MERTK: variants seen among roughly 807,000 people sequenced by gnomAD.
The protein encoded by MERTK is MER proto-oncogene, tyrosine kinase, also known as tyrosine-protein kinase Mer.
Under a neutral mutation model 99.3 loss-of-function variants are expected in MERTK, and 69 were observed. That is an observed-to-expected ratio of 0.70 (90% confidence interval 0.57 to 0.85). MERTK has a LOEUF of 0.85. Ranked by LOEUF, MERTK falls within the 40% of genes least tolerant of loss-of-function variation. The pLI is 0.00. For synonymous variants in MERTK, 426 were observed against 467.6 expected (o/e 0.91, Z 1.15); for missense variants, 1,125 against 1,249.4 (o/e 0.90, Z 1.50).
In MERTK at chr2:111,997,443, C is replaced by G; in HGVS notation, c.1571C>G (p.Ala524Gly). The G allele has an allele frequency of 6.2e-7, 1 of 1,614,004 alleles. No individual in the cohort carries two copies. The highest frequency in any genetic ancestry group is 1.1e-5 in the South Asian group (1 of 91,088). ...GGGTTGATTTTATACATCTCCTTGG[C>G]CATCAGAAAAAGAGTCCAGGAGACA... Reference protein sequence around the residue: ...LIGLILYISLAIRKRVQETKF... With the variant: ...LIGLILYISLGIRKRVQETKF... Residue 524 changes from alanine to glycine, a missense_variant, in exon 10 of 19, where the codon GCC becomes GGC. Transcript: ENST00000295408.
intron 18 of MERTK, 143 bp from the exon 19 acceptor site, chr2:112,028,208 C>T: frequency 1.1e-6 from 1 of 915,730 alleles, no homozygotes; most frequent in Non-Finnish European, 1.7e-6. Flanking sequence ...TATTAGGCCA[C>T]CAAAAAAGTC....
At chr2:111,918,048 A>G (rs1305191821) in intron 1 of MERTK, among the ~76,000 whole-genome samples, 1 of 152,126 alleles carries the variant, frequency 6.6e-6, no homozygotes, top group African/African-American at 2.4e-5. Flanking sequence ...ATTAAACACT[A>G]ATTCCCCATT....
intron 8 of MERTK, among the ~76,000 whole-genome samples, chr2:111,988,290 A>C (rs1393834564): frequency 6.6e-6 from 1 of 152,170 alleles, no homozygotes; most frequent in Non-Finnish European, 1.5e-5. Flanking sequence ...AGTATGAGGA[A>C]TAGGCAAGGT....
chr2:111,997,991 C>T (rs2104402496), intron 10 of MERTK, among the ~76,000 whole-genome samples: 1 of 152,310 alleles, frequency 6.6e-6, no homozygotes, highest in South Asian at 2.1e-4. Context: ...GGGTTGTTGG[C>T]AGGTTGGAGT....
intron 1 of MERTK, among the ~76,000 whole-genome samples, chr2:111,908,880 G>A (rs1374137092): frequency 2.0e-5 from 3 of 152,180 alleles, no homozygotes; most frequent in Non-Finnish European, 4.4e-5. Flanking sequence ...CATACCAGCT[G>A]AGTCTGTCCT....
intron 6 of MERTK, among the ~76,000 whole-genome samples, chr2:111,972,461 C>T (rs571786519): frequency 2.6e-5 from 4 of 152,198 alleles, no homozygotes; most frequent in Non-Finnish European, 5.9e-5. Context: ...CTGAAAACAC[C>T]AGGTCACCCC....
chr2:111,945,869 C>T (rs1424468211), intron 3 of MERTK, among the ~76,000 whole-genome samples: 1 of 152,210 alleles, frequency 6.6e-6, no homozygotes, highest in Non-Finnish European at 1.5e-5. Context: ...GCCTTGTGCC[C>T]CTCCTCTCTG....
chr2:111,960,166 A>C (rs1685218837), intron 4 of MERTK, among the ~76,000 whole-genome samples: 1 of 152,154 alleles, frequency 6.6e-6, no homozygotes, highest in African/African-American at 2.4e-5. Context: ...CTTGGGGTTA[A>C]GAAATTTCCA....
intron 2 of MERTK, among the ~76,000 whole-genome samples, chr2:111,935,555 A>G (rs181043219): frequency 4.4e-4 from 67 of 152,094 alleles, no homozygotes; most frequent in Admixed American, 4.3e-3. Flanking sequence ...TACGAATCCC[A>G]TGTACTCTGG....
In MERTK at chr2:111,930,578, C is replaced by T. The variant is rs187971471; in HGVS notation, c.482+1038C>T. 6.5e-3 allele frequency: 990 copies of T among 152,476 alleles called. 14 individuals carry two copies. Among genetic ancestry groups the T allele is most frequent in the African/African-American group, 0.023 (951 of 41,546 alleles). The allele number at this position is 152,476 out of a possible 1,614,324, so 9.4% of individuals were successfully genotyped here. On this transcript the variant is annotated intron_variant, in intron 2 of 18. Transcript: ENST00000295408. Reference sequence around the variant, plus strand: ...CGCCTCCCAGTGCTGATGTAGCCCCCGTGCACCGTGGGGCAGGAAGAGATG... The same window carrying T: ...CGCCTCCCAGTGCTGATGTAGCCCCTGTGCACCGTGGGGCAGGAAGAGATG...
intron 1 of MERTK, among the ~76,000 whole-genome samples, chr2:111,927,631 T>C (rs1000325189): frequency 1.3e-5 from 2 of 152,150 alleles, no homozygotes; most frequent in African/African-American, 4.8e-5. Flanking sequence ...ACTGTACCAC[T>C]GCTCTCCAGC....
At chr2:111,979,790 A>G (rs1016387823) in intron 7 of MERTK, among the ~76,000 whole-genome samples, 2 of 151,804 alleles carry the variant, frequency 1.3e-5, no homozygotes, top group Admixed American at 1.3e-4. Flanking sequence ...CAATCATAAG[A>G]GTCTTTTCTG....
At chr2:111,972,588 G>A (rs1203818777) in intron 6 of MERTK, among the ~76,000 whole-genome samples, 1 of 152,096 alleles carries the variant, frequency 6.6e-6, no homozygotes, top group Non-Finnish European at 1.5e-5. Context: ...GTGTTTTCTT[G>A]CCCACCTTGG....
intron 1 of MERTK, among the ~76,000 whole-genome samples, chr2:111,919,118 A>C (rs922073165): frequency 6.6e-6 from 1 of 152,036 alleles, no homozygotes; most frequent in African/African-American, 2.4e-5. Context: ...TGTCCCTCTG[A>C]CTTTAGGGTT....
chr2:112,024,174 G>T (rs1004819921), intron 18 of MERTK, among the ~76,000 whole-genome samples: 1 of 152,156 alleles, frequency 6.6e-6, no homozygotes, highest in African/African-American at 2.4e-5. Flanking sequence ...TTTATGAAGT[G>T]CCTGCTTCTG....
intron 1 of MERTK, among the ~76,000 whole-genome samples, chr2:111,917,611 G>A (rs1011796237): frequency 2.5e-4 from 38 of 152,154 alleles, no homozygotes; most frequent in Non-Finnish European, 5.9e-5. Context: ...ACGAGGCCAG[G>A]CGCAGTGGCC....
At chr2:111,969,325 A>G (rs1213740040) in intron 6 of MERTK, among the ~76,000 whole-genome samples, 2 of 152,156 alleles carry the variant, frequency 1.3e-5, no homozygotes, top group African/African-American at 2.4e-5. Context: ...GGTCAGAACC[A>G]TCAGCTCTTC....
rs148064147 is a variant in MERTK at position 111,945,901 on chromosome 2, C to A, written c.583+841C>A. The stretch of plus-strand genomic sequence containing the variant: ...TCTGAGGTGCCCCTCTTAGCAGAGC[C>A]ATTAGGTCACCTCCCTTTTCTACTT... On this transcript the variant is annotated intron_variant, in intron 3 of 18. Transcript: ENST00000295408. Among the ~76,000 whole-genome samples, 597 of 152,346 alleles carry A rather than the reference C, an allele frequency of 3.9e-3. 3 individuals carry two copies. Among genetic ancestry groups the A allele is most frequent in the African/African-American group, 0.014 (580 of 41,576 alleles).
intron 6 of MERTK, among the ~76,000 whole-genome samples, chr2:111,972,086 A>C (rs1676133603): frequency 6.6e-6 from 1 of 152,158 alleles, no homozygotes; most frequent in South Asian, 2.1e-4. Context: ...GCTGGAATGC[A>C]ATGGCACAGT....
Sources: gnomAD v4.1 joint callset for allele counts (sites outside exome capture counted in the v4.1 genomes callset) on GRCh38, gnomAD v4.1.1 for gene constraint, MANE v1.5 for transcripts, NCBI Gene and HGNC (gene_info 2026-07-23, HGNC 2026-07-21) for gene names.